The following EPHA6 variants were observed in gnomAD, a reference collection of about 807,000 sequenced individuals.
EPHA6 encodes EPH receptor A6.
A neutral mutation model predicts 112.0 loss-of-function variants in EPHA6; 50 were observed. The ratio of observed to expected loss-of-function variants is 0.45; its 90% CI spans 0.36 to 0.56. EPHA6 has a LOEUF of 0.56. Among genes scored for constraint, EPHA6 ranks in the 20% least tolerant of loss-of-function variants. The pLI, the probability that EPHA6 is intolerant of heterozygous loss-of-function variation, is 0.00. For synonymous variants in EPHA6, 529 were observed against 490.7 expected (o/e 1.08, Z -1.03); for missense variants, 1,280 against 1,417.4 (o/e 0.90, Z 1.56).
chr3:97,301,323 G>C (rs1258952835), intron 5 of EPHA6, among the ~76,000 whole-genome samples: 1 of 152,060 alleles, frequency 6.6e-6, no homozygotes, highest in Non-Finnish European at 1.5e-5. Context: ...TATGAATTCA[G>C]CATGCTGACT....
At chr3:97,124,196 T>C (rs756656693) in intron 3 of EPHA6, among the ~76,000 whole-genome samples, 3 of 151,972 alleles carry the variant, frequency 2.0e-5, no homozygotes, top group Non-Finnish European at 4.4e-5. Flanking sequence ...TTTGACCCCA[T>C]ATAGTTTAGA....
chr3:97,305,296 T>A (rs2108734352), intron 5 of EPHA6, among the ~76,000 whole-genome samples: 1 of 151,756 alleles, frequency 6.6e-6, no homozygotes, highest in South Asian at 2.1e-4. Context: ...GTAAATTAGT[T>A]CAACTATTGT....
chr3:97,374,345 A>G (rs1189021050), intron 5 of EPHA6, among the ~76,000 whole-genome samples: 1 of 152,056 alleles, frequency 6.6e-6, no homozygotes, highest in African/African-American at 2.4e-5. Context: ...TTGCCAAATT[A>G]CCATCTTGTT....
intron 3 of EPHA6, among the ~76,000 whole-genome samples, chr3:96,997,872 A>G (rs1264220159): frequency 2.6e-5 from 4 of 152,024 alleles, no homozygotes; most frequent in African/African-American, 9.7e-5. Context: ...GTTGCCACAA[A>G]CCTTCTATGT....
intron 2 of EPHA6, among the ~76,000 whole-genome samples, chr3:96,939,424 T>A (rs1051575619): frequency 2.0e-5 from 3 of 152,206 alleles, no homozygotes; most frequent in African/African-American, 7.2e-5. Flanking sequence ...CTGATGGTAG[T>A]TTGTATTTCT....
chr3:97,402,434 T>C (rs2087048667), intron 5 of EPHA6, among the ~76,000 whole-genome samples: 1 of 152,162 alleles, frequency 6.6e-6, no homozygotes, highest in Admixed American at 6.5e-5. Flanking sequence ...AACTCTATTT[T>C]ACCTGATACA....
intron 3 of EPHA6, among the ~76,000 whole-genome samples, chr3:97,208,298 G>A (rs1559798997): frequency 6.6e-6 from 1 of 152,082 alleles, no homozygotes; most frequent in African/African-American, 2.4e-5. Flanking sequence ...GTTTTGGCAA[G>A]CTATTTTAAA....
Position 96,987,325 on chromosome 3 carries a change from TG to T in EPHA6, c.451-4del. ...TCACTTAATTACTTTTTTCCCTTTT[TG>T]CAGTGGGATGCCATCACTGAAATGG... On this transcript the variant is annotated splice_polypyrimidine_tract_variant and splice_region_variant and intron_variant, in intron 2 of 17. Coordinates refer to ENST00000389672, the MANE Select transcript of EPHA6 (RefSeq NM_001080448.3). The T allele has an allele frequency of 6.3e-7, 1 of 1,580,564 alleles. No individual in the cohort carries two copies. The highest frequency in any genetic ancestry group is 1.1e-5 in the South Asian group (1 of 87,762).
At chr3:96,817,968 TTGA>T (rs2032936417) in intron 1 of EPHA6, among the ~76,000 whole-genome samples, 4 of 151,910 alleles carry the variant, frequency 2.6e-5, no homozygotes, top group Non-Finnish European at 5.9e-5. Context: ...CCAAACCTCC[TTGA>T]ATCGATCAGA....
chr3:96,927,310 GA>G (rs1183004807), intron 2 of EPHA6, among the ~76,000 whole-genome samples: 1 of 152,188 alleles, frequency 6.6e-6, no homozygotes, highest in Non-Finnish European at 1.5e-5. Context: ...TAGAGCCTAT[GA>G]TGGGAAGGAC....
intron 14 of EPHA6, among the ~76,000 whole-genome samples, chr3:97,678,867 T>C (rs763678316): frequency 4.8e-4 from 73 of 152,198 alleles, no homozygotes; most frequent in Non-Finnish European, 3.8e-4. Context: ...AGTCATGTTG[T>C]TCTAGATATA....
At chr3:97,687,903 G>C (rs2032369148) in intron 14 of EPHA6, among the ~76,000 whole-genome samples, 1 of 152,202 alleles carries the variant, frequency 6.6e-6, no homozygotes, top group Admixed American at 6.5e-5. Context: ...TGGAGGTACA[G>C]GGCAAGAATG....
chr3:97,010,095 G>T (rs889120041), intron 3 of EPHA6: 1 of 1,277,752 alleles, frequency 7.8e-7, no homozygotes, highest in Admixed American at 2.6e-5. Context: ...CAAAAGAGTA[G>T]CATTACTAAA....
intron 14 of EPHA6, chr3:97,648,386 C>CA (rs3214668): frequency 0.58 from 914,242 of 1,563,202 alleles, 268,515 homozygotes; most frequent in African/African-American, 0.7. Flanking sequence ...CTACACCCAA[C>CA]TGGAGATAAT....
chr3:96,816,101 A>G (rs1345161547), intron 1 of EPHA6, among the ~76,000 whole-genome samples: 3 of 152,106 alleles, frequency 2.0e-5, no homozygotes, highest in Non-Finnish European at 4.4e-5. Flanking sequence ...GTGTGAGGAG[A>G]AGGTTAAGGG....
chr3:97,690,830 T>A (rs2032616751), intron 14 of EPHA6, among the ~76,000 whole-genome samples: 1 of 152,218 alleles, frequency 6.6e-6, no homozygotes, highest in Admixed American at 6.5e-5. Flanking sequence ...GTTCTTTATA[T>A]GTTCTGGATA....
intron 3 of EPHA6, among the ~76,000 whole-genome samples, chr3:97,142,002 A>G (rs1184997915): frequency 6.6e-6 from 1 of 151,990 alleles, no homozygotes; most frequent in South Asian, 2.1e-4. Context: ...TCACTCTAAT[A>G]TATTGACTTT....
chr3:97,016,555 G>A (rs1175153274), intron 3 of EPHA6, among the ~76,000 whole-genome samples: 1 of 152,078 alleles, frequency 6.6e-6, no homozygotes, highest in Non-Finnish European at 1.5e-5. Flanking sequence ...ATTTATAATA[G>A]CTCTATTAAG....
In EPHA6 at chr3:97,647,605, C is replaced by T. The variant is rs114007887; in HGVS notation, c.2784+9523C>T. 5.6e-3 allele frequency among the ~76,000 whole-genome samples: 853 copies of T among 152,166 alleles called. 16 individuals are homozygous for T. The highest frequency in any genetic ancestry group is 0.019 in the African/African-American group (777 of 41,516). On this transcript the variant is annotated intron_variant, in intron 14 of 17. Transcript: ENST00000389672. ...GAGAGATTAGTGAATGATTAGGGTC[C>T]GCACCTAACAATACATATATAATTA...
Sources: allele counts gnomAD v4.1 joint callset (sites outside exome capture counted in the v4.1 genomes callset), GRCh38; gene constraint gnomAD v4.1.1; transcripts MANE v1.5; gene names NCBI Gene and HGNC (gene_info 2026-07-23, HGNC 2026-07-21).